LRPPRC: variants seen among roughly 807,000 people sequenced by gnomAD.
LRPPRC encodes leucine rich pentatricopeptide repeat containing.
LRPPRC carries 120 observed loss-of-function variants against 180.3 expected under a neutral mutation model. That is an observed-to-expected ratio of 0.67 (90% CI 0.57 to 0.77). The LOEUF (loss-of-function observed/expected upper bound fraction) is 0.77. Among genes scored for constraint, LRPPRC ranks in the 30% least tolerant of loss-of-function variants. LRPPRC has a pLI of 0.00. For synonymous variants in LRPPRC, 723 were observed against 600.0 expected, an observed-to-expected ratio of 1.21 and a Z score of -3.00; for missense variants, 2,012 against 1,657.2, an observed-to-expected ratio of 1.21 and a Z score of -3.72.
In LRPPRC at chr2:43,946,183, A is replaced by G. The variant is rs1290868681; in HGVS notation, c.2140T>C (p.Tyr714His). The G allele has an allele frequency of 6.2e-7, 1 of 1,611,172 alleles. No homozygotes were observed. Among genetic ancestry groups the G allele is most frequent in the East Asian group, 2.2e-5 (1 of 44,796 alleles). The change falls in exon 21 of 38, where the codon TAT becomes CAT. Residue 714 changes from tyrosine (Y) to histidine (H), a missense_variant. Coordinates refer to ENST00000260665, the MANE Select transcript of LRPPRC (RefSeq NM_133259.4). ...KYESDMVTGG[Y>H]AALINLCCRH... ...CAGCATAAATTTATTAAAGCTGCAT[A>G]GCCACCAGTAACCATGTCGGATTCA... is the stretch of plus-strand genomic sequence containing the variant.
chr2:43,947,908 T>C lies in LRPPRC; in HGVS notation c.1921-133A>G, dbSNP rs559846357. On this transcript the variant is annotated intron_variant, in intron 18 of 37. Transcript: ENST00000260665. ...TCTTTCCAAAATTTTAGACATTCTC[T>C]TCATACTTTATTAATCAATGTAATT... 3 of 696,364 alleles carry C rather than the reference T, an allele frequency of 4.3e-6. No individual in the cohort carries two copies. The East Asian group carries it at 7.9e-5, about 18-fold the overall frequency. 43.1% of individuals were successfully genotyped at this position (696,364 alleles called of 1,614,324 possible). A position where few individuals can be genotyped will look rare whatever the true frequency, so the allele number is the denominator to read the frequency against.
chr2:43,914,881 T>C (rs1016686087), intron 29 of LRPPRC, among the ~76,000 whole-genome samples: 3 of 151,776 alleles, frequency 2.0e-5, no homozygotes, highest in African/African-American at 7.3e-5. Context: ...ACACTAACCA[T>C]ATATTCATTT....
chr2:43,901,444 A>G lies in LRPPRC; in HGVS notation c.3445T>C (p.Leu1149=), dbSNP rs188689293. The change falls in exon 32 of 38, where the codon TTG becomes CTG. Residue 1149 remains leucine, a synonymous_variant. Transcript: ENST00000260665. ...RLAVTRVIQA[L]AMKGDVENIE... ...TTTTCAACATCACCCTTCATGGCCA[A>G]TGCCTGGATGACACGGGTCACTGCT... is the stretch of plus-strand genomic sequence containing the variant. 27 of 1,613,838 alleles carry G rather than the reference A, an allele frequency of 1.7e-5. No homozygotes were observed. The highest frequency in any genetic ancestry group is 3.4e-6 in the Non-Finnish European group (4 of 1,179,732).
rs570108446 is a variant in LRPPRC, at chr2:43,973,628, G to A, written c.1348C>T (p.Arg450Trp). ...TAACCTTGAACATTTTTTTCCTTCCGACGTCCAACTAGCAATGGCCAGAAA... is the reference window on the plus strand; with the variant it reads ...TAACCTTGAACATTTTTTTCCTTCCAACGTCCAACTAGCAATGGCCAGAAA... ...HYFWPLLVGR[R>W]KEKNVQGIIE... The change falls in exon 11 of 38, where the codon CGG becomes TGG. Residue 450 changes from arginine (R) to tryptophan (W), a missense_variant. By Grantham distance (101) the Arg-to-Trp change is moderately radical. Coordinates refer to ENST00000260665, the MANE Select transcript of LRPPRC (RefSeq NM_133259.4). The A allele has an allele frequency of 8.1e-6, 13 of 1,613,126 alleles. No individual in the cohort carries two copies. Among genetic ancestry groups the A allele is most frequent in the Admixed American group, 1.7e-5 (1 of 59,994 alleles).
chr2:43,991,038 T>A lies in LRPPRC; in HGVS notation c.149+4761A>T, dbSNP rs199936864. Among the ~76,000 whole-genome samples, 943 of 150,874 alleles carry A rather than the reference T, an allele frequency of 6.3e-3. 11 individuals are homozygous for A. The highest frequency in any genetic ancestry group is 0.021 in the African/African-American group (861 of 41,250). ...CTTATGTATAGATACTTTTATTTTTTTTTTTTTTTGAGATGGGGTCTCACT... is the reference window on the plus strand; with the variant it reads ...CTTATGTATAGATACTTTTATTTTTATTTTTTTTTGAGATGGGGTCTCACT... On this transcript the variant is annotated intron_variant, in intron 1 of 37. Transcript: ENST00000260665.
Position 43,977,029 on chromosome 2 carries a change from A to C in LRPPRC, c.615T>G (p.Ala205=). Residue 205 remains alanine (A), a synonymous_variant, in exon 5 of 38, where the codon GCT becomes GCG. Coordinates refer to ENST00000260665, the MANE Select transcript of LRPPRC (RefSeq NM_133259.4). The part of the protein sequence containing the change: ...PNRVTYQRLI[A]SYCNVGDIEG... ...CAATATCTCCTACATTACAATAAGA[A>C]GCAATCAATCTCTGGTATGTCACCT... 6.2e-7 allele frequency: 1 copy of C among 1,613,564 alleles called. No individual in the cohort carries two copies. Among genetic ancestry groups the C allele is most frequent in the African/African-American group, 1.3e-5 (1 of 75,048 alleles).
intron 11 of LRPPRC, among the ~76,000 whole-genome samples, chr2:43,969,335 C>G (rs1673700754): frequency 6.6e-6 from 1 of 151,792 alleles, no homozygotes. Flanking sequence ...TGGCGTGAAC[C>G]CAGGAGGCAG....
chr2:43,975,425 A>G (rs1204902609), intron 6 of LRPPRC, among the ~76,000 whole-genome samples: 1 of 152,178 alleles, frequency 6.6e-6, no homozygotes, highest in Non-Finnish European at 1.5e-5. Context: ...AAAAATAATA[A>G]TAATTACATA....
intron 11 of LRPPRC, among the ~76,000 whole-genome samples, chr2:43,971,030 G>A (rs1228027406): frequency 1.3e-5 from 2 of 151,570 alleles, no homozygotes; most frequent in Non-Finnish European, 2.9e-5. Context: ...AACCTGGGAG[G>A]CAGAGGTTGC....
chr2:43,960,927 T>C (rs1254743459), intron 12 of LRPPRC, among the ~76,000 whole-genome samples: 2 of 152,254 alleles, frequency 1.3e-5, no homozygotes, highest in East Asian at 3.9e-4. Context: ...AAAACAAAGA[T>C]TCAATGCATT....
At chr2:43,966,672 T>C (rs1673574279) in intron 11 of LRPPRC, among the ~76,000 whole-genome samples, 1 of 150,750 alleles carries the variant, frequency 6.6e-6, no homozygotes, top group Non-Finnish European at 1.5e-5. Flanking sequence ...CCTCCCAAAG[T>C]GCTGGGATTA....
At chr2:43,926,327 A>T (rs1671876455) in intron 25 of LRPPRC, among the ~76,000 whole-genome samples, 1 of 152,246 alleles carries the variant, frequency 6.6e-6, no homozygotes, top group Non-Finnish European at 1.5e-5. Flanking sequence ...GTTCAAAAAT[A>T]AGCGATAAAC....
intron 21 of LRPPRC, 85 bp downstream of exon 21, chr2:43,946,028 A>G: frequency 7.4e-7 from 1 of 1,343,982 alleles, no homozygotes; most frequent in East Asian, 2.3e-5. Context: ...ATTATATAAG[A>G]GAGTAATATT....
At chr2:43,984,536 A>G (rs552759582) in intron 1 of LRPPRC, among the ~76,000 whole-genome samples, 10 of 152,226 alleles carry the variant, frequency 6.6e-5, no homozygotes, top group Non-Finnish European at 1.2e-4. Flanking sequence ...ACATGAATCT[A>G]TTATAAAATA....
At chr2:43,959,519 CATATTTT>C in intron 13 of LRPPRC, among the ~76,000 whole-genome samples, 1 of 152,156 alleles carries the variant, frequency 6.6e-6, no homozygotes, top group Non-Finnish European at 1.5e-5. Context: ...TTGTAAATGA[CATATTTT>C]TCAGAAGATC....
chr2:43,943,152 T>C (rs554156561), intron 23 of LRPPRC, among the ~76,000 whole-genome samples: 3 of 152,088 alleles, frequency 2.0e-5, no homozygotes, highest in Non-Finnish European at 4.4e-5. Flanking sequence ...TTGCAAATAA[T>C]GCCTTAAATT....
intron 1 of LRPPRC, among the ~76,000 whole-genome samples, chr2:43,986,833 T>G (rs1674546978): frequency 6.6e-6 from 1 of 152,190 alleles, no homozygotes; most frequent in Non-Finnish European, 1.5e-5. Context: ...AGAGTGAGAC[T>G]AGACAGTGCA....
intron 7 of LRPPRC, 25 bp downstream of exon 7, chr2:43,975,066 A>T: frequency 6.2e-7 from 1 of 1,608,718 alleles, no homozygotes; most frequent in Non-Finnish European, 8.5e-7. Flanking sequence ...ATTTTAAAGT[A>T]TGTTTATTTA....
chr2:43,958,078 G>A (rs1333295783), intron 13 of LRPPRC, among the ~76,000 whole-genome samples: 2 of 152,126 alleles, frequency 1.3e-5, no homozygotes, highest in African/African-American at 4.8e-5. Flanking sequence ...CTACAACCTT[G>A]TATGTTTCAA....
Sources: allele counts gnomAD v4.1 joint callset (sites outside exome capture counted in the v4.1 genomes callset), GRCh38; gene constraint gnomAD v4.1.1; transcripts MANE v1.5; gene names NCBI Gene and HGNC (gene_info 2026-07-23, HGNC 2026-07-21).